The following CLIC5 variants were observed in gnomAD, a reference collection of about 807,000 sequenced individuals.
CLIC5 encodes the protein chloride intracellular channel protein 5.
Under a neutral mutation model 24.7 loss-of-function variants are expected in CLIC5, and 20 were observed. The ratio of observed to expected loss-of-function variants is 0.81; its 90% CI spans 0.57 to 1.18. The LOEUF is 1.18. Among genes scored for constraint, CLIC5 ranks in the 50% most tolerant of loss-of-function variants. The pLI is 0.00. For synonymous variants in CLIC5, 159 were observed against 135.6 expected (o/e 1.17, Z -1.20); for missense variants, 341 against 326.1 (o/e 1.05, Z -0.35).
chr6:46,052,332 T>C (rs1033556648), intron 1 of CLIC5, among the ~76,000 whole-genome samples: 2 of 152,164 alleles, frequency 1.3e-5, no homozygotes, highest in African/African-American at 4.8e-5. Flanking sequence ...ATGATTGAAA[T>C]ATTACTGTCT....
At chr6:46,106,762 C>G in the CLIC5 span, among the ~76,000 whole-genome samples, 1 of 152,200 alleles carries the variant, frequency 6.6e-6, no homozygotes, top group African/African-American at 2.4e-5. Flanking sequence ...CTCGAAAAAG[C>G]TAAATCCTCT....
rs1040227796 is a variant in CLIC5, at chr6:45,965,086, C to G, written c.64-9842G>C. ...TGATGGCACAAAAGTTCAACAGTAC[C>G]TAGCGTTCAGGGTTTTGTGTATGAA... is the stretch of plus-strand genomic sequence containing the variant. On this transcript the variant is annotated intron_variant, in intron 1 of 5. Coordinates refer to ENST00000339561, the MANE Select transcript of CLIC5 (RefSeq NM_016929.5). 1.1e-4 allele frequency among the ~76,000 whole-genome samples: 16 copies of G among 152,248 alleles called. No homozygotes were observed. The East Asian group carries it at 2.9e-3, about 28-fold the overall frequency.
At chr6:45,968,941 T>G (rs1488555871) in intron 1 of CLIC5, among the ~76,000 whole-genome samples, 1 of 152,202 alleles carries the variant, frequency 6.6e-6, no homozygotes, top group Non-Finnish European at 1.5e-5. Flanking sequence ...TTGTGTGACC[T>G]AGGGCAAGTA....
intron 1 of CLIC5, among the ~76,000 whole-genome samples, chr6:45,960,729 G>C (rs998805153): frequency 3.3e-5 from 5 of 152,196 alleles, no homozygotes; most frequent in Non-Finnish European, 7.3e-5. Context: ...TGTCCTGAAG[G>C]CCTTCTTCTC....
intron 5 of CLIC5, chr6:45,911,484 C>T: frequency 1.9e-6 from 1 of 515,348 alleles, no homozygotes; most frequent in Non-Finnish European, 2.5e-6. Context: ...TGGCTAAGAG[C>T]AAATTCATGC....
intron 1 of CLIC5, among the ~76,000 whole-genome samples, chr6:46,074,840 T>C (rs1162206009): frequency 1.3e-5 from 2 of 152,210 alleles, no homozygotes; most frequent in African/African-American, 2.4e-5. Context: ...CTAGGAAAGA[T>C]TCCTTTCAAG....
intron 5 of CLIC5, among the ~76,000 whole-genome samples, chr6:45,905,427 G>A (rs1181933825): frequency 6.7e-6 from 1 of 149,120 alleles, no homozygotes; most frequent in East Asian, 2.0e-4. Flanking sequence ...GTGTGAGGGA[G>A]GTGTCTCCTT....
At position 46,014,898 on chromosome 6, in the gene CLIC5, T is replaced by C. The variant is rs1194234818; in HGVS notation, c.63+582A>G. Among the ~76,000 whole-genome samples, 6 of 152,318 alleles carry C rather than the reference T, an allele frequency of 3.9e-5. No homozygotes were observed. The South Asian group carries it at 1.0e-3, about 26-fold the overall frequency. On this transcript the variant is annotated intron_variant, in intron 1 of 5. Transcript: ENST00000339561. Reference sequence around the variant, plus strand: ...ATACTGCCTTGAAAAATCATGATTATGACAAAAATAATAACGTCGGAGAAT... The same window carrying C: ...ATACTGCCTTGAAAAATCATGATTACGACAAAAATAATAACGTCGGAGAAT...
At chr6:46,056,089 G>A (rs1232571897) in intron 1 of CLIC5, among the ~76,000 whole-genome samples, 8 of 152,114 alleles carry the variant, frequency 5.3e-5, no homozygotes, top group East Asian at 1.9e-4. Context: ...TAAATTTTAC[G>A]TTATGTATAT....
rs1010739674 is a variant in CLIC5 at position 46,064,884 on chromosome 6, C to T, written c.540+14819G>A. On this transcript the variant is annotated intron_variant, in intron 1 of 5. Transcript: ENST00000185206. ...TGACCTTGGGTTAGACAAACATTTC[C>T]TAGATAGCACACAAAAAACACAAAC... 2.2e-4 allele frequency among the ~76,000 whole-genome samples: 34 copies of T among 152,008 alleles called. 1 individual carries two copies. Among genetic ancestry groups the T allele is most frequent in the Admixed American group, 1.0e-3 (16 of 15,288 alleles).
the CLIC5 span, among the ~76,000 whole-genome samples, chr6:46,120,956 T>C: frequency 0.31 from 47,144 of 151,434 alleles, 7,544 homozygotes; most frequent in Middle Eastern, 0.43. Context: ...CTATGTCTAA[T>C]TGGTTACCTG....
intron 1 of CLIC5, among the ~76,000 whole-genome samples, chr6:46,011,670 G>A (rs560639815): frequency 1.2e-4 from 18 of 152,296 alleles, no homozygotes; most frequent in Admixed American, 2.6e-4. Context: ...GGGAGTGGAG[G>A]AAGCAATGCA....
chr6:46,004,234 T>C (rs748824364), intron 1 of CLIC5, among the ~76,000 whole-genome samples: 7 of 152,128 alleles, frequency 4.6e-5, no homozygotes, highest in Non-Finnish European at 8.8e-5. Flanking sequence ...GATGCCAGTT[T>C]GTAGTAGGAA....
At chr6:45,935,966 C>T (rs1411098715) in intron 4 of CLIC5, among the ~76,000 whole-genome samples, 1 of 152,146 alleles carries the variant, frequency 6.6e-6, no homozygotes, top group Non-Finnish European at 1.5e-5. Context: ...CTTGCTTTCC[C>T]ATCTTTATGC....
chr6:45,904,019 G>A (rs1366264949), intron 5 of CLIC5, among the ~76,000 whole-genome samples: 1 of 152,126 alleles, frequency 6.6e-6, no homozygotes, highest in Non-Finnish European at 1.5e-5. Context: ...GGGGGGATGT[G>A]GACTGGAGAG....
At position 46,011,993 on chromosome 6, in the gene CLIC5, C is replaced by T. The variant is rs141467202; in HGVS notation, c.63+3487G>A. On this transcript the variant is annotated intron_variant, in intron 1 of 5. Coordinates refer to ENST00000339561, the MANE Select transcript of CLIC5 (RefSeq NM_016929.5). ...AATATTCAAGTCAGTGTGTTTACAGCAATTTTCAATTTACAAAGTGTTTTC... is the reference window on the plus strand; with the variant it reads ...AATATTCAAGTCAGTGTGTTTACAGTAATTTTCAATTTACAAAGTGTTTTC... Among the ~76,000 whole-genome samples, 37 of 152,292 alleles carry T rather than the reference C, an allele frequency of 2.4e-4. No individual in the cohort carries two copies. The East Asian group carries it at 6.6e-3, about 27-fold the overall frequency.
intron 1 of CLIC5, among the ~76,000 whole-genome samples, chr6:45,991,349 G>C (rs1765936068): frequency 6.6e-6 from 1 of 152,178 alleles, no homozygotes; most frequent in South Asian, 2.1e-4. Flanking sequence ...CTGTACCATA[G>C]GCAGCCTCTA....
intron 1 of CLIC5, among the ~76,000 whole-genome samples, chr6:45,998,716 C>T (rs1271312550): frequency 1.3e-5 from 2 of 152,166 alleles, no homozygotes; most frequent in African/African-American, 2.4e-5. Flanking sequence ...TGGCCACTCT[C>T]ACTGAAGGCA....
the CLIC5 span, among the ~76,000 whole-genome samples, chr6:46,119,615 T>C: frequency 6.6e-6 from 1 of 152,316 alleles, no homozygotes; most frequent in African/African-American, 2.4e-5. Context: ...GCACCGAGCA[T>C]GAGCTGAAGC....
Sources: allele counts gnomAD v4.1 joint callset (sites outside exome capture counted in the v4.1 genomes callset), GRCh38; gene constraint gnomAD v4.1.1; transcripts MANE v1.5; gene names NCBI Gene and HGNC (gene_info 2026-07-23, HGNC 2026-07-21).